Variants in VPS13D observed in about 807,000 individuals in gnomAD.
VPS13D encodes the protein vacuolar protein sorting 13 homolog D, also known as intermembrane lipid transfer protein VPS13D.
VPS13D carries 187 observed loss-of-function variants against 461.9 expected under a neutral mutation model. The observed-to-expected ratio is 0.40, with a 90% confidence interval of 0.36 to 0.46. The LOEUF is 0.46. Among genes scored for constraint, VPS13D ranks in the 20% least tolerant of loss-of-function variants. The pLI is 0.60. For missense variants in VPS13D, 4,711 were observed against 5,364.9 expected (o/e 0.88, Z 3.81); for synonymous variants, 1,951 against 1,986.3 (o/e 0.98, Z 0.47).
At chr1:12,492,711 T>C (rs1304569977) in intron 67 of VPS13D, among the ~76,000 whole-genome samples, 1 of 152,220 alleles carries the variant, frequency 6.6e-6, no homozygotes, top group African/African-American at 2.4e-5. Context: ...TCATTTGTAA[T>C]AGCAGAACCT....
At chr1:12,477,796 T>C (rs1441539474) in intron 67 of VPS13D, among the ~76,000 whole-genome samples, 1 of 151,722 alleles carries the variant, frequency 6.6e-6, no homozygotes, top group Non-Finnish European at 1.5e-5. Flanking sequence ...AAAAATAAAT[T>C]TTTTTTTTCT....
chr1:12,491,459 C>T (rs904656745), intron 67 of VPS13D, among the ~76,000 whole-genome samples: 1 of 152,184 alleles, frequency 6.6e-6, no homozygotes, highest in Non-Finnish European at 1.5e-5. Context: ...TAATTAATGC[C>T]TGGCTAAATG....
At chr1:12,477,088 T>C (rs1476522297) in intron 67 of VPS13D, among the ~76,000 whole-genome samples, 1 of 152,210 alleles carries the variant, frequency 6.6e-6, no homozygotes, top group Non-Finnish European at 1.5e-5. Flanking sequence ...GTTGCTAGTA[T>C]GGGATTTCTG....
In VPS13D at chr1:12,299,260, C is replaced by T; in HGVS notation, c.6092C>T (p.Pro2031Leu). Residue 2031 changes from proline (P) to leucine (L), a missense_variant, in exon 25 of 70, where the codon CCC becomes CTC. This residue lies in a region of VPS13D where 4,411 missense variants were observed against 4,937.8 expected (regional missense o/e 0.89). Transcript: ENST00000620676. This position sits in a 1 kb window ranked among gnomAD's most constrained non-coding sequence, Gnocchi z 4.2. ...CTCCTGGATATTGAGGCTGGTGCTC[C>T]CGTTCTCTTGATCCCAGAAAGTTCC... ...RVLLDIEAGAPVLLIPESSRS... is the reference protein window; with the variant it reads ...RVLLDIEAGALVLLIPESSRS... The T allele has an allele frequency of 6.2e-7, 1 of 1,613,802 alleles. No individual in the cohort carries two copies. The highest frequency in any genetic ancestry group is 8.5e-7 in the Non-Finnish European group (1 of 1,179,964).
intron 67 of VPS13D, among the ~76,000 whole-genome samples, chr1:12,463,884 T>C (rs1350460575): frequency 1.3e-5 from 2 of 152,186 alleles, no homozygotes; most frequent in African/African-American, 2.4e-5. Context: ...ATCTATAAAG[T>C]GGGGATAAAT....
At chr1:12,486,061 C>A (rs1020018928) in intron 67 of VPS13D, among the ~76,000 whole-genome samples, 1 of 152,022 alleles carries the variant, frequency 6.6e-6, no homozygotes, top group African/African-American at 2.4e-5. Flanking sequence ...TGGCAAGAGG[C>A]GGAAAAAAGA....
chr1:12,242,681 C>A, intron 3 of VPS13D, 91 bp downstream of exon 3: 3 of 1,158,490 alleles, frequency 2.6e-6, no homozygotes, highest in Non-Finnish European at 2.5e-6. Flanking sequence ...ATTGATTTGG[C>A]CAGTTAGAGG....
At chr1:12,462,171 C>T (rs542933834) in intron 67 of VPS13D, among the ~76,000 whole-genome samples, 36 of 152,292 alleles carry the variant, frequency 2.4e-4, no homozygotes, top group Admixed American at 9.8e-4. Context: ...TATATAAACA[C>T]TTATTTGCTG....
At chr1:12,405,694 A>G (rs1037542976) in intron 63 of VPS13D, among the ~76,000 whole-genome samples, 5 of 152,192 alleles carry the variant, frequency 3.3e-5, no homozygotes, top group Admixed American at 2.0e-4. Context: ...GAAAACCACT[A>G]TCTTGTTAAT....
intron 65 of VPS13D, among the ~76,000 whole-genome samples, chr1:12,452,964 A>G (rs147322886): frequency 2.0e-4 from 30 of 152,320 alleles, no homozygotes; most frequent in African/African-American, 7.0e-4. Flanking sequence ...GTCCTACAGT[A>G]AGTTGAGATA....
chr1:12,254,513 CTTT>C (rs1017635589), intron 7 of VPS13D, among the ~76,000 whole-genome samples: 3 of 78,256 alleles, frequency 3.8e-5, no homozygotes, highest in African/African-American at 1.5e-4. Flanking sequence ...AAATCTCAAT[CTTT>C]TTTTTTTTTT....
At chr1:12,376,293 G>C (rs1488401295) in intron 55 of VPS13D, among the ~76,000 whole-genome samples, 1 of 152,176 alleles carries the variant, frequency 6.6e-6, no homozygotes, top group Non-Finnish European at 1.5e-5. Context: ...TTTTAGGTTT[G>C]AGTTCTGGCT....
intron 67 of VPS13D, among the ~76,000 whole-genome samples, chr1:12,471,156 C>T (rs1054111123): frequency 1.2e-4 from 18 of 152,208 alleles, no homozygotes; most frequent in African/African-American, 4.3e-4. Context: ...CAGAAATCAG[C>T]TGGGCATAGT....
chr1:12,431,621 T>G, intron 65 of VPS13D, among the ~76,000 whole-genome samples: 1 of 151,964 alleles, frequency 6.6e-6, no homozygotes, highest in South Asian at 2.1e-4. Flanking sequence ...CTGAGTTCCA[T>G]GAGTACAAGG....
At chr1:12,323,825 A>G in intron 35 of VPS13D, 45 bp downstream of exon 35, 1 of 1,585,404 alleles carries the variant, frequency 6.3e-7, no homozygotes, top group Non-Finnish European at 8.7e-7. Flanking sequence ...TCTTGATGAT[A>G]TGCTTCCTTC....
intron 63 of VPS13D, among the ~76,000 whole-genome samples, chr1:12,408,937 G>A (rs1440589692): frequency 1.3e-5 from 2 of 152,114 alleles, no homozygotes; most frequent in Non-Finnish European, 2.9e-5. Flanking sequence ...ATTTTTCTCT[G>A]TGAACTGTCT....
chr1:12,505,151 T>C lies in VPS13D; in HGVS notation c.12795-1702T>C, dbSNP rs115235684. Among the ~76,000 whole-genome samples, 3,807 of 152,180 alleles carry C rather than the reference T, an allele frequency of 0.025. 131 individuals carry two copies. The highest frequency in any genetic ancestry group is 0.1 in the Admixed American group (1,586 of 15,280). On this transcript the variant is annotated intron_variant, in intron 68 of 69. Coordinates refer to ENST00000620676, the MANE Select transcript of VPS13D (RefSeq NM_015378.4). This position sits in a 1 kb window ranked among gnomAD's most constrained non-coding sequence, Gnocchi z 4.2. ...CCGATGCTCAGGGGTGTAGGCTGCT[T>C]CCGGGTCTCATCTCAGATCCCCGCC...
At chr1:12,269,848 T>G (rs1258608334) in intron 16 of VPS13D, among the ~76,000 whole-genome samples, 1 of 152,176 alleles carries the variant, frequency 6.6e-6, no homozygotes, top group Non-Finnish European at 1.5e-5. Flanking sequence ...GCTCTGTCAC[T>G]GATAGAATAT....
intron 26 of VPS13D, among the ~76,000 whole-genome samples, chr1:12,307,548 C>T (rs1181782190): frequency 6.6e-6 from 1 of 152,160 alleles, no homozygotes; most frequent in Non-Finnish European, 1.5e-5. Context: ...GGCTGGAGTG[C>T]AGTGGCGTGA....
Sources: allele counts gnomAD v4.1 joint callset (sites outside exome capture counted in the v4.1 genomes callset), GRCh38; gene constraint gnomAD v4.1.1; regional missense constraint gnomAD v4.1.1; non-coding constraint Gnocchi (gnomAD v3.1); transcripts MANE v1.5; gene names NCBI Gene and HGNC (gene_info 2026-07-23, HGNC 2026-07-21).